CSMD2: variants seen among roughly 807,000 people sequenced by gnomAD.
CSMD2 encodes the protein CUB and sushi domain-containing protein 2.
Under a neutral mutation model 398.5 loss-of-function variants are expected in CSMD2, and 130 were observed. The observed-to-expected ratio is 0.33, with a 90% CI of 0.28 to 0.38. The LOEUF is 0.38. CSMD2 is among the 10% of genes least tolerant of loss of function. CSMD2 has a pLI of 1.00. For synonymous variants in CSMD2, 1,828 were observed against 1,908.5 expected (o/e 0.96, Z 1.10); for missense variants, 3,829 against 4,764.9 (o/e 0.80, Z 5.78).
At chr1:33,715,086 C>T (rs1251813835) in intron 20 of CSMD2, among the ~76,000 whole-genome samples, 1 of 152,160 alleles carries the variant, frequency 6.6e-6, no homozygotes, top group Non-Finnish European at 1.5e-5. Context: ...ACAGCCTTTC[C>T]TAGACAGGCT....
intron 3 of CSMD2, among the ~76,000 whole-genome samples, chr1:34,009,634 C>T (rs992658979): frequency 6.6e-6 from 1 of 151,998 alleles, no homozygotes; most frequent in East Asian, 1.9e-4. Context: ...ACTGCCTCTC[C>T]CTGAGTGATC....
chr1:34,008,208 G>C (rs543553464), intron 3 of CSMD2, among the ~76,000 whole-genome samples: 142 of 152,246 alleles, frequency 9.3e-4, no homozygotes, highest in African/African-American at 3.2e-3. Flanking sequence ...CTCCCCACAG[G>C]TTCCTTCATT....
intron 13 of CSMD2, among the ~76,000 whole-genome samples, chr1:33,754,902 G>A (rs1401361455): frequency 1.7e-4 from 26 of 152,074 alleles, no homozygotes. Flanking sequence ...TGTTGCCTGT[G>A]AGGTAGGAGT....
In CSMD2 at chr1:33,658,140, G is replaced by A. The variant is rs773118140; in HGVS notation, c.4256-3C>T. On this transcript the variant is annotated splice_polypyrimidine_tract_variant and splice_region_variant and intron_variant, in intron 26 of 70. Coordinates refer to ENST00000373381, the MANE Select transcript of CSMD2 (RefSeq NM_001281956.2). ...ATTGCAGGACGTTGCTGTGGACACT[G>A]GGGCAAGGAAATAGAAGAGAGGGTA... 9 of 1,611,270 alleles carry A rather than the reference G, an allele frequency of 5.6e-6. No individual in the cohort carries two copies. Among genetic ancestry groups the A allele is most frequent in the Non-Finnish European group, 7.6e-6 (9 of 1,177,802 alleles).
intron 19 of CSMD2, among the ~76,000 whole-genome samples, chr1:33,722,767 A>T (rs898149806): frequency 1.3e-5 from 2 of 150,216 alleles, no homozygotes; most frequent in Admixed American, 1.3e-4. Flanking sequence ...AGTTTTTTTT[A>T]ATTGAATCTA....
chr1:33,935,458 A>G (rs1644448437), intron 4 of CSMD2, among the ~76,000 whole-genome samples: 2 of 152,200 alleles, frequency 1.3e-5, no homozygotes, highest in Non-Finnish European at 2.9e-5. Flanking sequence ...TGCAATAGGA[A>G]GAGAAATGAT....
At chr1:33,838,928 C>A (rs1241125306) in intron 6 of CSMD2, 1 of 152,478 alleles carries the variant, frequency 6.6e-6, no homozygotes, top group Admixed American at 6.5e-5. Context: ...CCAGTGGAAA[C>A]CAGGAAAGGT....
chr1:33,799,287 C>CT (rs772674112), intron 10 of CSMD2, among the ~76,000 whole-genome samples: 173 of 152,318 alleles, frequency 1.1e-3, no homozygotes, highest in Non-Finnish European at 2.0e-3. Context: ...TGGTCTAGCT[C>CT]TTTACAGAAG....
At position 33,749,259 on chromosome 1, in the gene CSMD2, C is replaced by T. The variant is rs188833510; in HGVS notation, c.1847-5653G>A. ...GACTACAGGCACCTGCCACCTCGCC[C>T]GGCTAATTTTTTTGTATTTTTAGTA... On this transcript the variant is annotated intron_variant, in intron 13 of 70. Transcript: ENST00000373381. 2.7e-3 allele frequency among the ~76,000 whole-genome samples: 407 copies of T among 152,006 alleles called. 2 individuals are homozygous for T. Among genetic ancestry groups the T allele is most frequent in the Non-Finnish European group, 4.5e-3 (307 of 67,956 alleles).
At chr1:33,832,471 T>C (rs1438622291) in intron 6 of CSMD2, among the ~76,000 whole-genome samples, 1 of 144,236 alleles carries the variant, frequency 6.9e-6, no homozygotes, top group African/African-American at 2.7e-5. Context: ...AGACACAACA[T>C]ACCAGAATCT....
chr1:33,632,917 A>AG (rs1052871775), intron 32 of CSMD2, among the ~76,000 whole-genome samples: 1 of 152,220 alleles, frequency 6.6e-6, no homozygotes, highest in African/African-American at 2.4e-5. Context: ...CTAGCCTAGA[A>AG]GAAAAAAAAT....
At chr1:34,016,395 A>G (rs928849520) in intron 3 of CSMD2, among the ~76,000 whole-genome samples, 3 of 152,086 alleles carry the variant, frequency 2.0e-5, no homozygotes, top group African/African-American at 4.8e-5. Context: ...ATGAGTGAGA[A>G]CATGCGGTGT....
chr1:33,591,949 T>C (rs2148770405), intron 44 of CSMD2: 1 of 173,620 alleles, frequency 5.8e-6, no homozygotes, highest in Admixed American at 5.4e-5. Flanking sequence ...ATTTAGATTA[T>C]TTCTAATTTC....
At position 33,533,354 on chromosome 1, in the gene CSMD2, G is replaced by T; in HGVS notation, c.9992-125C>A. 1.1e-6 allele frequency: 1 copy of T among 870,380 alleles called. No individual in the cohort carries two copies. Among genetic ancestry groups the T allele is most frequent in the Non-Finnish European group, 1.8e-6 (1 of 562,744 alleles). The allele number at this position is 870,380 out of a possible 1,614,324, so 53.9% of individuals were successfully genotyped here. ...TCCCTTCCAGTCCCTTTCATGCCAAGCATCCCCCTCCCTAATCCTCCACCC... is the reference window on the plus strand; with the variant it reads ...TCCCTTCCAGTCCCTTTCATGCCAATCATCCCCCTCCCTAATCCTCCACCC... On this transcript the variant is annotated intron_variant, in intron 63 of 70. Transcript: ENST00000373381. This position sits in a 1 kb window ranked among gnomAD's most constrained non-coding sequence, Gnocchi z 4.2.
intron 44 of CSMD2, among the ~76,000 whole-genome samples, chr1:33,591,360 A>G (rs1639443199): frequency 6.6e-6 from 1 of 152,158 alleles, no homozygotes; most frequent in Admixed American, 6.5e-5. Flanking sequence ...GAGCTTACCA[A>G]AGGACTCAGG....
At chr1:33,700,034 AG>A (rs1284731562) in intron 23 of CSMD2, among the ~76,000 whole-genome samples, 2 of 150,768 alleles carry the variant, frequency 1.3e-5, no homozygotes, top group Non-Finnish European at 2.9e-5. Context: ...TTTTTTAGAC[AG>A]TCTTGCTCTG....
intron 25 of CSMD2, among the ~76,000 whole-genome samples, chr1:33,678,135 G>C (rs116275058): frequency 2.0e-5 from 3 of 150,956 alleles, no homozygotes; most frequent in African/African-American, 7.3e-5. Context: ...AAAAAAGAGC[G>C]TGGCTCCTCC....
intron 5 of CSMD2, among the ~76,000 whole-genome samples, chr1:33,880,224 C>T (rs763561151): frequency 2.0e-5 from 3 of 152,126 alleles, no homozygotes; most frequent in Non-Finnish European, 4.4e-5. Flanking sequence ...AAGTCAGTGC[C>T]CCTTTGCATA....
intron 10 of CSMD2, among the ~76,000 whole-genome samples, chr1:33,799,405 G>T (rs1250150880): frequency 6.6e-6 from 1 of 152,196 alleles, no homozygotes; most frequent in African/African-American, 2.4e-5. Flanking sequence ...TGGAAGAGGA[G>T]CCAGAGGAGG....
Sources: allele counts gnomAD v4.1 joint callset (sites outside exome capture counted in the v4.1 genomes callset), GRCh38; gene constraint gnomAD v4.1.1; non-coding constraint Gnocchi (gnomAD v3.1); transcripts MANE v1.5; gene names NCBI Gene and HGNC (gene_info 2026-07-23, HGNC 2026-07-21).